The following EEF1G variants were observed in gnomAD, a reference collection of about 807,000 sequenced individuals.
EEF1G encodes eukaryotic translation elongation factor 1 gamma, also known as elongation factor 1-gamma.
EEF1G carries 14 observed loss-of-function variants against 58.3 expected under a neutral mutation model. That is an observed-to-expected ratio of 0.24 (90% CI 0.16 to 0.38). EEF1G has a LOEUF of 0.38. EEF1G is among the 10% of genes least tolerant of loss of function. EEF1G has a pLI of 1.00. For missense variants in EEF1G, 322 were observed against 550.1 expected, an observed-to-expected ratio of 0.59 and a Z score of 4.15; for synonymous variants, 180 against 206.8, an observed-to-expected ratio of 0.87 and a Z score of 1.11.
intron 7 of EEF1G, among the ~76,000 whole-genome samples, chr11:62,565,502 TTAAA>T (rs765852818): frequency 5.9e-5 from 9 of 152,234 alleles, no homozygotes; most frequent in Non-Finnish European, 7.3e-5. Context: ...GTAAAGTTTA[TTAAA>T]TAAAGATTTT....
At position 62,571,561 on chromosome 11, in the gene EEF1G, G is replaced by A; in HGVS notation, c.357C>T (p.Gly119=). 3 of 1,595,298 alleles carry A rather than the reference G, an allele frequency of 1.9e-6. No homozygotes were observed. The highest frequency in any genetic ancestry group is 2.3e-5 in the South Asian group (2 of 87,350). ...TCACCTGTTTGTTGTGGTGCATGAT[G>A]CCCAAGGTGGGGAACACCCAGGTAC... is the stretch of plus-strand genomic sequence containing the variant. ...PASTWVFPTL[G]IMHHNKQATE... The change falls in exon 4 of 10, where the codon GGC becomes GGT. Residue 119 remains glycine, a synonymous_variant. Transcript: ENST00000329251.
At chr11:62,568,846 G>A (rs1285444857) in intron 5 of EEF1G, among the ~76,000 whole-genome samples, 1 of 151,930 alleles carries the variant, frequency 6.6e-6, no homozygotes, top group Non-Finnish European at 1.5e-5. Context: ...GGTTGCACAT[G>A]CCCGTAATCC....
intron 7 of EEF1G, among the ~76,000 whole-genome samples, chr11:62,562,701 G>C (rs1022272204): frequency 6.6e-6 from 1 of 152,094 alleles, no homozygotes; most frequent in African/African-American, 2.4e-5. Flanking sequence ...GGCTGGTCTT[G>C]AACTCTTGAC....
At chr11:62,563,271 C>T (rs1323325716) in intron 7 of EEF1G, among the ~76,000 whole-genome samples, 2 of 151,866 alleles carry the variant, frequency 1.3e-5, no homozygotes, top group Admixed American at 6.5e-5. Flanking sequence ...GGACTACAGG[C>T]GCCTGCTACC....
chr11:62,572,490 C>A, intron 2 of EEF1G, 94 bp downstream of exon 2: 2 of 1,473,430 alleles, frequency 1.4e-6, no homozygotes, highest in South Asian at 1.3e-5. Context: ...ACATGGGAAG[C>A]TCCCTTTTAG....
intron 5 of EEF1G, among the ~76,000 whole-genome samples, chr11:62,568,381 CTG>C (rs1941582852): frequency 1.2e-5 from 1 of 83,232 alleles, no homozygotes; most frequent in Non-Finnish European, 2.4e-5. Flanking sequence ...GAGTGAGACT[CTG>C]TCTCAAAAAA....
At position 62,572,710 on chromosome 11, in the gene EEF1G, G is replaced by A; in HGVS notation, c.45C>T (p.Ala15=). ...TLYTYPENWR[A]FKALIAAQYS... ...ACTGAGCAGCGATGAGAGCCTTGAA[G>A]GCCCTCCAGTTTTCAGGATACGTGT... Residue 15 remains alanine (A), a synonymous_variant, in exon 2 of 10, where the codon GCC becomes GCT. Transcript: ENST00000329251. 1 of 1,613,572 alleles carries A rather than the reference G, an allele frequency of 6.2e-7. No homozygotes were observed. Among genetic ancestry groups the A allele is most frequent in the Non-Finnish European group, 8.5e-7 (1 of 1,179,770 alleles).
intron 7 of EEF1G, among the ~76,000 whole-genome samples, chr11:62,561,686 A>AC (rs1565259900): frequency 1.5e-4 from 22 of 149,020 alleles, no homozygotes; most frequent in Non-Finnish European, 3.3e-4. Context: ...AAAAAACAAA[A>AC]AAAAAAAAAA....
intron 5 of EEF1G, among the ~76,000 whole-genome samples, chr11:62,570,485 AAAGGC>A (rs780660703): frequency 2.6e-5 from 4 of 152,218 alleles, no homozygotes; most frequent in Non-Finnish European, 5.9e-5. Context: ...AACAGAAACT[AAAGGC>A]AAGACATTAC....
rs1456269075 is a variant in EEF1G, at chr11:62,572,627, G to C, written c.128C>G (p.Thr43Ser). The C allele has an allele frequency of 1.3e-5, 21 of 1,612,350 alleles. No individual in the cohort carries two copies. The highest frequency in any genetic ancestry group is 1.5e-5 in the Non-Finnish European group (18 of 1,179,876). Residue 43 changes from threonine (T) to serine (S), a missense_variant, in exon 2 of 10, where the codon ACC becomes AGC. Coordinates refer to ENST00000329251, the MANE Select transcript of EEF1G (RefSeq NM_001404.5). ...GCGGAGAAATTCAGGGGTGCGGTTGGTTTGGCCAAAATGGAAGTGGGGTGG... is the reference window on the plus strand; with the variant it reads ...GCGGAGAAATTCAGGGGTGCGGTTGCTTTGGCCAAAATGGAAGTGGGGTGG... ...SAPPHFHFGQ[T>S]NRTPEFLRKF... is the part of the protein sequence containing the mutation.
chr11:62,559,879 C>G (rs781172265), intron 9 of EEF1G, 42 bp from the exon 10 acceptor site: 30 of 1,613,496 alleles, frequency 1.9e-5, no homozygotes, highest in Non-Finnish European at 2.5e-5. Context: ...TATGAGACAC[C>G]ACCCCACACC....
chr11:62,573,598 A>T (rs1941664684), intron 1 of EEF1G: 2 of 630,302 alleles, frequency 3.2e-6, no homozygotes, highest in Non-Finnish European at 5.5e-6. Context: ...GACGGCCCAG[A>T]CCCGGCATCT....
chr11:62,563,382 C>T (rs1226718644), intron 7 of EEF1G, among the ~76,000 whole-genome samples: 1 of 152,050 alleles, frequency 6.6e-6, no homozygotes, highest in African/African-American at 2.4e-5. Flanking sequence ...GTGATCCACC[C>T]GCCTCAGCCT....
intron 7 of EEF1G, among the ~76,000 whole-genome samples, chr11:62,566,341 A>AT (rs1378402105): frequency 6.6e-6 from 1 of 152,182 alleles, no homozygotes; most frequent in Non-Finnish European, 1.5e-5. Flanking sequence ...TTAGTGAGCA[A>AT]TTTTTGTACA....
rs756927362 is a variant in EEF1G at position 62,567,445 on chromosome 11, A to T, written c.606T>A (p.Ala202=). 6.2e-7 allele frequency: 1 copy of T among 1,612,788 alleles called. No individual in the cohort carries two copies. The highest frequency in any genetic ancestry group is 1.1e-5 in the South Asian group (1 of 90,812). The change falls in exon 6 of 10, where the codon GCT becomes GCA. Residue 202 remains alanine, a synonymous_variant. Coordinates refer to ENST00000329251, the MANE Select transcript of EEF1G (RefSeq NM_001404.5). ...LTCINQPQFR[A]VLGEVKLCEK... ...CACACAGTTTCACTTCGCCCAAGAC[A>T]GCCCGGAACTGGGGCTGGTTAATGC...
chr11:62,567,541 A>G lies in EEF1G; in HGVS notation c.523-13T>C. On this transcript the variant is annotated splice_polypyrimidine_tract_variant and intron_variant, in intron 5 of 9. Transcript: ENST00000329251. ...AAGGCTCTAGAACCTGCCAGGACAT[A>G]AGGGTGTAAACAAAGTCAGTGGAAA... 1.3e-6 allele frequency: 2 copies of G among 1,586,916 alleles called. No individual in the cohort carries two copies. The highest frequency in any genetic ancestry group is 1.8e-5 in the Admixed American group (1 of 55,548).
intron 5 of EEF1G, among the ~76,000 whole-genome samples, chr11:62,570,063 C>CTT (rs1174196694): frequency 3.2e-4 from 46 of 141,958 alleles, no homozygotes; most frequent in African/African-American, 1.1e-3. Context: ...GCTTAAAGAG[C>CTT]TTTTTTTTTT....
Position 62,567,329 on chromosome 11 carries a change from T to C in EEF1G, c.652+70A>G, listed in dbSNP as rs144371931. On this transcript the variant is annotated intron_variant, in intron 6 of 9. Coordinates refer to ENST00000329251, the MANE Select transcript of EEF1G (RefSeq NM_001404.5). ...CATAACCCAAAAGCAAGACAGGAAA[T>C]CAAGGGGTTGATGCAGAGCAAACCA... 330 of 1,516,992 alleles carry C rather than the reference T, an allele frequency of 2.2e-4. 2 individuals carry two copies. In the African/African-American group the frequency reaches 4.0e-3, roughly 18 times the overall value. 94.0% of individuals were successfully genotyped at this position (1,516,992 alleles called of 1,614,324 possible).
At chr11:62,567,260 A>C in intron 6 of EEF1G, 139 bp downstream of exon 6, 1 of 1,207,764 alleles carries the variant, frequency 8.3e-7, no homozygotes, top group Non-Finnish European at 1.1e-6. Flanking sequence ...GAAACTGCAC[A>C]TAATATTAGC....
Sources: gnomAD v4.1 joint callset for allele counts (sites outside exome capture counted in the v4.1 genomes callset) on GRCh38, gnomAD v4.1.1 for gene constraint, MANE v1.5 for transcripts, NCBI Gene and HGNC (gene_info 2026-07-23, HGNC 2026-07-21) for gene names.